CEP83: variants seen among roughly 807,000 people sequenced by gnomAD.
The protein encoded by CEP83 is centrosomal protein 83.
In CEP83, 70 loss-of-function variants were observed where a neutral mutation model predicts 101.9. The ratio of observed to expected loss-of-function variants is 0.69; its 90% CI spans 0.57 to 0.84. CEP83 has a LOEUF of 0.84. Ranked by LOEUF, CEP83 falls within the 40% of genes least tolerant of loss-of-function variation. The pLI is 0.00. For synonymous variants in CEP83, 264 were observed against 267.9 expected (o/e 0.99, Z 0.14); for missense variants, 715 against 787.2 (o/e 0.91, Z 1.10).
chr12:94,345,601 C>A (rs2059898688), intron 11 of CEP83, among the ~76,000 whole-genome samples: 1 of 152,164 alleles, frequency 6.6e-6, no homozygotes, highest in Non-Finnish European at 1.5e-5. Context: ...ATACTCCAAT[C>A]TTCCCCCATC....
intron 14 of CEP83, among the ~76,000 whole-genome samples, chr12:94,327,855 C>T (rs1001723790): frequency 6.6e-6 from 1 of 152,210 alleles, no homozygotes; most frequent in African/African-American, 2.4e-5. Context: ...TTTTGTCTGT[C>T]TAGCACAGTG....
chr12:94,375,983 C>A lies in CEP83; in HGVS notation c.836G>T (p.Arg279Leu). Reference protein sequence around the residue: ...EKQSANLRAERLEKELQSSSE... With the variant: ...EKQSANLRAELLEKELQSSSE... The stretch of plus-strand genomic sequence containing the variant: ...GCTTGATTGTAGCTCTTTTTCCAAA[C>A]GTTCTGCCCGTAAATTAGCTGATTG... Residue 279 changes from arginine to leucine, a missense_variant, in exon 8 of 17, where the codon CGT becomes CTT. By Grantham distance (102) the Arg-to-Leu change is moderately radical. Transcript: ENST00000397809. 1.9e-6 allele frequency: 3 copies of A among 1,559,826 alleles called. No individual in the cohort carries two copies. The highest frequency in any genetic ancestry group is 2.6e-6 in the Non-Finnish European group (3 of 1,150,232).
At chr12:94,411,628 A>C in intron 4 of CEP83, 69 bp downstream of exon 4, 1 of 1,223,502 alleles carries the variant, frequency 8.2e-7, no homozygotes, top group African/African-American at 1.5e-5. Context: ...ATATTCACCA[A>C]AACTACTTAC....
chr12:94,288,213 C>T, the CEP83 span, among the ~76,000 whole-genome samples: 3 of 152,190 alleles, frequency 2.0e-5, no homozygotes, highest in African/African-American at 7.2e-5. Flanking sequence ...GGGTGAATCT[C>T]GTGTCTGTGA....
chr12:94,397,301 C>G (rs960773113), intron 6 of CEP83, among the ~76,000 whole-genome samples: 1 of 152,078 alleles, frequency 6.6e-6, no homozygotes, highest in Admixed American at 6.6e-5. Flanking sequence ...GAATTTGAGA[C>G]CAGCCTGGCC....
At chr12:94,442,763 T>C (rs2066505270) in intron 1 of CEP83, among the ~76,000 whole-genome samples, 1 of 152,166 alleles carries the variant, frequency 6.6e-6, no homozygotes, top group African/African-American at 2.4e-5. Flanking sequence ...ATTTTCTACT[T>C]GTCTCCTTAA....
chr12:94,456,788 G>A (rs1017850153), intron 1 of CEP83, among the ~76,000 whole-genome samples: 1 of 151,990 alleles, frequency 6.6e-6, no homozygotes, highest in Non-Finnish European at 1.5e-5. Context: ...ATTTGGGTGG[G>A]GACACAAAGC....
intron 6 of CEP83, among the ~76,000 whole-genome samples, chr12:94,391,313 G>A (rs138139095): frequency 0.097 from 14,719 of 152,040 alleles, 851 homozygotes; most frequent in Admixed American, 0.15. Flanking sequence ...AGAGAGAGGG[G>A]GCCAATATTC....
intron 11 of CEP83, among the ~76,000 whole-genome samples, chr12:94,352,152 G>A (rs1259567047): frequency 6.6e-6 from 1 of 152,192 alleles, no homozygotes; most frequent in Non-Finnish European, 1.5e-5. Context: ...TGGGCGTGGT[G>A]GTTCACGCCT....
At chr12:94,417,447 A>G (rs2064365025) in intron 2 of CEP83, among the ~76,000 whole-genome samples, 1 of 152,200 alleles carries the variant, frequency 6.6e-6, no homozygotes, top group Non-Finnish European at 1.5e-5. Flanking sequence ...AAAAGTTTAG[A>G]TAGAATCCAC....
chr12:94,284,502 T>C, the CEP83 span, among the ~76,000 whole-genome samples: 6 of 152,078 alleles, frequency 3.9e-5, no homozygotes, highest in South Asian at 4.1e-4. Context: ...GTTTCAGATG[T>C]TTTTCACTGT....
chr12:94,452,394 C>A (rs2067325316), intron 1 of CEP83, among the ~76,000 whole-genome samples: 1 of 152,102 alleles, frequency 6.6e-6, no homozygotes, highest in African/African-American at 2.4e-5. Flanking sequence ...GAAGTTATCT[C>A]TTCCAAACTT....
intron 2 of CEP83, among the ~76,000 whole-genome samples, chr12:94,414,600 GTAAACATAAC>G (rs1566136385): frequency 6.6e-6 from 1 of 152,166 alleles, no homozygotes; most frequent in African/African-American, 2.4e-5. Flanking sequence ...ACAGTATACT[GTAAACATAAC>G]TTTTCCATGC....
the CEP83 span, chr12:94,297,164 C>T: frequency 1.2e-6 from 2 of 1,612,884 alleles, no homozygotes; most frequent in Non-Finnish European, 1.7e-6. Flanking sequence ...GGACTGCTTT[C>T]TCTCCCTCTT....
intron 1 of CEP83, among the ~76,000 whole-genome samples, chr12:94,436,168 C>T (rs983562344): frequency 1.3e-5 from 2 of 151,832 alleles, no homozygotes; most frequent in Admixed American, 6.6e-5. Flanking sequence ...TATGGCAAAA[C>T]GAAGTTTGAT....
chr12:94,270,036 T>C, the CEP83 span, among the ~76,000 whole-genome samples: 1 of 152,260 alleles, frequency 6.6e-6, no homozygotes, highest in Non-Finnish European at 1.5e-5. Flanking sequence ...TATTTACTTT[T>C]TTTCTTTATA....
intron 6 of CEP83, among the ~76,000 whole-genome samples, chr12:94,382,577 T>C (rs2061909611): frequency 6.6e-6 from 1 of 151,942 alleles, no homozygotes; most frequent in Non-Finnish European, 1.5e-5. Flanking sequence ...CTCATTGAAA[T>C]GTTTTTCTTT....
At chr12:94,418,857 C>A (rs1285933145) in intron 2 of CEP83, among the ~76,000 whole-genome samples, 1 of 152,014 alleles carries the variant, frequency 6.6e-6, no homozygotes, top group Non-Finnish European at 1.5e-5. Context: ...ACCTAGCAAA[C>A]TAGAAACTTA....
intron 6 of CEP83, among the ~76,000 whole-genome samples, chr12:94,385,086 C>T (rs1018581283): frequency 6.6e-5 from 10 of 152,058 alleles, no homozygotes; most frequent in African/African-American, 2.4e-4. Flanking sequence ...TCATTACTAC[C>T]ACGAGGAGGT....
Sources: allele counts gnomAD v4.1 joint callset (sites outside exome capture counted in the v4.1 genomes callset), GRCh38; gene constraint gnomAD v4.1.1; transcripts MANE v1.5; gene names NCBI Gene and HGNC (gene_info 2026-07-23, HGNC 2026-07-21).